Variants in TSHZ3 observed in about 807,000 individuals in gnomAD.
TSHZ3 encodes teashirt homolog 3.
In TSHZ3, 10 loss-of-function variants were observed where a neutral mutation model predicts 64.5. That is an observed-to-expected ratio of 0.16 (90% CI 0.10 to 0.26). The LOEUF is 0.26. Among genes scored for constraint, TSHZ3 ranks in the 10% least tolerant of loss-of-function variants. The pLI is 1.00. For missense variants in TSHZ3, 1,242 were observed against 1,421.7 expected (o/e 0.87, Z 2.03); for synonymous variants, 608 against 593.1 (o/e 1.03, Z -0.36).
At chr19:31,344,091 T>C (rs2145200943) in intron 1 of TSHZ3, among the ~76,000 whole-genome samples, 1 of 152,346 alleles carries the variant, frequency 6.6e-6, no homozygotes, top group South Asian at 2.1e-4. Flanking sequence ...CCAGTCCATA[T>C]CATTGTTACT....
chr19:31,333,525 C>T (rs1220774829), intron 1 of TSHZ3, among the ~76,000 whole-genome samples: 3 of 152,092 alleles, frequency 2.0e-5, no homozygotes, highest in Non-Finnish European at 2.9e-5. Context: ...CAGCCAACCC[C>T]GTGGCATGCA....
chr19:31,150,618 G>A (rs530151318), exon 7 of TSHZ3, among the ~76,000 whole-genome samples: 6 of 152,286 alleles, frequency 3.9e-5, no homozygotes, highest in South Asian at 2.1e-4. Context: ...GGCCCACAGC[G>A]CACGGGGCAG....
chr19:31,287,928 G>T (rs1053478402), intron 1 of TSHZ3, among the ~76,000 whole-genome samples: 13 of 151,874 alleles, frequency 8.6e-5, no homozygotes, highest in African/African-American at 3.1e-4. Flanking sequence ...AATGACAGAG[G>T]GTGATTTCTT....
rs1047423513 is a variant in TSHZ3 at position 31,186,264 on chromosome 19, C to G, written n.809+18692G>C. Among the ~76,000 whole-genome samples, 3 of 152,060 alleles carry G rather than the reference C, an allele frequency of 2.0e-5. No individual in the cohort carries two copies. The South Asian group carries it at 6.2e-4, about 32-fold the overall frequency. ...ACTACTGAGATGGTTTGGCTATGTC[C>G]CCACCCGAATCTCATCATGAGTTGT... On this transcript the variant is annotated intron_variant and non_coding_transcript_variant, in intron 5 of 6. Transcript: ENST00000651361.
At chr19:31,257,087 G>A (rs1432811178) in intron 1 of TSHZ3, among the ~76,000 whole-genome samples, 4 of 152,124 alleles carry the variant, frequency 2.6e-5, no homozygotes, top group African/African-American at 9.7e-5. Context: ...TCCAGAAGAG[G>A]TGTTTCCTCC....
chr19:31,290,261 A>C (rs1163964895), intron 1 of TSHZ3, among the ~76,000 whole-genome samples: 1 of 152,120 alleles, frequency 6.6e-6, no homozygotes, highest in Non-Finnish European at 1.5e-5. Context: ...CCACTAACCA[A>C]ACACATTCCC....
At chr19:31,314,048 G>A (rs1214533933) in intron 1 of TSHZ3, among the ~76,000 whole-genome samples, 1 of 152,084 alleles carries the variant, frequency 6.6e-6, no homozygotes, top group East Asian at 1.9e-4. Flanking sequence ...AGACCCCCTC[G>A]TGCCTGCCTC....
At chr19:31,165,360 G>A (rs1974433732) in intron 5 of TSHZ3, among the ~76,000 whole-genome samples, 1 of 152,038 alleles carries the variant, frequency 6.6e-6, no homozygotes, top group Admixed American at 6.5e-5. Context: ...TTTCCCCACT[G>A]TGTCCTTTTA....
intron 5 of TSHZ3, among the ~76,000 whole-genome samples, chr19:31,157,231 G>A (rs1156297527): frequency 2.6e-5 from 4 of 152,076 alleles, no homozygotes. Flanking sequence ...ACTGTCACTA[G>A]AACAGTAGAT....
intron 1 of TSHZ3, among the ~76,000 whole-genome samples, chr19:31,269,162 C>A (rs529865111): frequency 6.6e-6 from 1 of 152,100 alleles, no homozygotes; most frequent in Non-Finnish European, 1.5e-5. Flanking sequence ...CTGTCACCAA[C>A]TCAGTTTTCA....
intron 1 of TSHZ3, among the ~76,000 whole-genome samples, chr19:31,261,308 G>C (rs1213122517): frequency 6.6e-6 from 1 of 152,166 alleles, no homozygotes; most frequent in African/African-American, 2.4e-5. Context: ...ATTCTCCAGA[G>C]TCTCTGAGAG....
intron 1 of TSHZ3, among the ~76,000 whole-genome samples, chr19:31,294,260 G>A (rs1289311988): frequency 6.6e-6 from 1 of 152,166 alleles, no homozygotes; most frequent in East Asian, 1.9e-4. Flanking sequence ...CATTGACACA[G>A]TATTCAGCCA....
At position 31,243,580 on chromosome 19, in the gene TSHZ3, G is replaced by A. The variant is rs546739058; in HGVS notation, n.64-705C>T. 5.8e-4 allele frequency among the ~76,000 whole-genome samples: 88 copies of A among 152,260 alleles called. No individual in the cohort carries two copies. The South Asian group carries it at 0.017, about 29-fold the overall frequency. The stretch of plus-strand genomic sequence containing the variant: ...GTATTATAGTGGTGACCGCCCTGCC[G>A]CCTGCATATGGGATGAGTCCTCTCA... On this transcript the variant is annotated intron_variant and non_coding_transcript_variant, in intron 1 of 6. Transcript: ENST00000651361.
At chr19:31,162,073 C>T (rs1445272254) in intron 5 of TSHZ3, among the ~76,000 whole-genome samples, 1 of 152,124 alleles carries the variant, frequency 6.6e-6, no homozygotes, top group African/African-American at 2.4e-5. Flanking sequence ...AGTGGCTGTG[C>T]TCATGCATAA....
intron 1 of TSHZ3, among the ~76,000 whole-genome samples, chr19:31,315,682 G>A (rs913560339): frequency 1.3e-5 from 2 of 152,226 alleles, no homozygotes; most frequent in African/African-American, 4.8e-5. Context: ...AAGAAAAACG[G>A]CTGGCAATAA....
At chr19:31,332,802 C>A (rs530554624) in intron 1 of TSHZ3, among the ~76,000 whole-genome samples, 1 of 152,032 alleles carries the variant, frequency 6.6e-6, no homozygotes, top group East Asian at 1.9e-4. Context: ...AAAACAAAAA[C>A]AAAACAAAAC....
At chr19:31,274,497 C>T (rs1263818395), downstream of TSHZ3, among the ~76,000 whole-genome samples, 1 of 152,074 alleles carries the variant, frequency 6.6e-6, no homozygotes, top group Middle Eastern at 3.2e-3. Flanking sequence ...TTTGAAAATC[C>T]TGAGTCAACA....
chr19:31,303,182 C>T (rs912451532), intron 1 of TSHZ3, among the ~76,000 whole-genome samples: 3 of 152,188 alleles, frequency 2.0e-5, no homozygotes, highest in Non-Finnish European at 4.4e-5. Context: ...GGGTTGACAA[C>T]ATCAGATTCC....
chr19:31,320,762 G>T (rs895314992), intron 1 of TSHZ3, among the ~76,000 whole-genome samples: 3 of 152,198 alleles, frequency 2.0e-5, no homozygotes, highest in African/African-American at 7.2e-5. Context: ...GGAGGCTGAA[G>T]TCTCCTTGGC....
Sources: allele counts gnomAD v4.1 joint callset (sites outside exome capture counted in the v4.1 genomes callset), GRCh38; gene constraint gnomAD v4.1.1; transcripts MANE v1.5; gene names NCBI Gene and HGNC (gene_info 2026-07-23, HGNC 2026-07-21).